Variants in ALDH3A2 observed in about 807,000 individuals in gnomAD.
The protein encoded by ALDH3A2 is aldehyde dehydrogenase 3 family member A2.
A neutral mutation model predicts 51.3 loss-of-function variants in ALDH3A2; 36 were observed. The observed-to-expected ratio is 0.70, with a 90% confidence interval of 0.54 to 0.93. The LOEUF is 0.93. Ranked by LOEUF, ALDH3A2 falls within the 40% of genes least tolerant of loss-of-function variation. The pLI, the probability that ALDH3A2 is intolerant of heterozygous loss-of-function variation, is 0.00. For missense variants in ALDH3A2, 552 were observed against 603.1 expected (o/e 0.92, Z 0.89); for synonymous variants, 199 against 219.8 (o/e 0.91, Z 0.84).
rs1244436675 is a variant in ALDH3A2, at chr17:19,675,639, CAAT to C, written c.*71_*73del. The C allele has an allele frequency of 6.6e-7, 1 of 1,505,708 alleles. No individual in the cohort carries two copies. Among genetic ancestry groups the C allele is most frequent in the East Asian group, 2.3e-5 (1 of 44,210 alleles). 93.3% of individuals were successfully genotyped at this position (1,505,708 alleles called of 1,614,324 possible). A position where few individuals can be genotyped will look rare whatever the true frequency, so the allele number is the denominator to read the frequency against. On this transcript the variant is annotated 3_prime_UTR_variant, in exon 10 of 10. Transcript: ENST00000176643. ...TTCCTCTTTTAAATGGTTAATGAAC[CAAT>C]AATTTTTAAATCATACCAAAAATAG...
At chr17:19,666,363 G>A (rs898586039) in intron 8 of ALDH3A2, among the ~76,000 whole-genome samples, 1 of 152,116 alleles carries the variant, frequency 6.6e-6, no homozygotes, top group Non-Finnish European at 1.5e-5. Flanking sequence ...TAATCAACTC[G>A]GTAATTGTTC....
At chr17:19,672,366 T>C (rs1204343790) in intron 9 of ALDH3A2, 2 of 217,908 alleles carry the variant, frequency 9.2e-6, no homozygotes, top group African/African-American at 4.6e-5. Flanking sequence ...ACAGCTTTGT[T>C]CTTGAATGTG....
chr17:19,662,528 G>C (rs1219513338), intron 6 of ALDH3A2, among the ~76,000 whole-genome samples: 1 of 152,160 alleles, frequency 6.6e-6, no homozygotes, highest in African/African-American at 2.4e-5. Flanking sequence ...CTGCTAGTTG[G>C]TGACTTACAT....
At position 19,654,803 on chromosome 17, in the gene ALDH3A2, G is replaced by A. The variant is rs147028254; in HGVS notation, c.472-1563G>A. Among the ~76,000 whole-genome samples the A allele has an allele frequency of 3.7e-4, 57 of 152,262 alleles. No individual in the cohort carries two copies. In the East Asian group the frequency reaches 8.0e-3, roughly 21 times the overall value. ...GGCTGAAGGGCTCCTCAAGCGTGGC[G>A]AGAGTGGGTGCCAAGGCCAAGGAGG... is the stretch of plus-strand genomic sequence containing the variant. On this transcript the variant is annotated intron_variant, in intron 3 of 9. Transcript: ENST00000176643. This position sits in a 1 kb window ranked among gnomAD's most constrained non-coding sequence, Gnocchi z 4.5.
intron 8 of ALDH3A2, among the ~76,000 whole-genome samples, chr17:19,670,974 T>A (rs1178874204): frequency 1.3e-5 from 2 of 152,200 alleles, no homozygotes; most frequent in Non-Finnish European, 2.9e-5. Context: ...AGCCTGGCCT[T>A]GGTAAACTGC....
intron 2 of ALDH3A2, 62 bp downstream of exon 2, chr17:19,651,840 G>A (rs1439472338): frequency 1.4e-6 from 2 of 1,438,390 alleles, no homozygotes; most frequent in Non-Finnish European, 2.0e-6. Flanking sequence ...ATATTAATTG[G>A]AAATTAAGGA....
chr17:19,671,262 A>G (rs1597572516), intron 8 of ALDH3A2, among the ~76,000 whole-genome samples: 2 of 152,338 alleles, frequency 1.3e-5, no homozygotes, highest in East Asian at 3.9e-4. Context: ...GATGGTGGGA[A>G]GAGAGCACAT....
chr17:19,657,841 G>C lies in ALDH3A2; in HGVS notation c.777G>C (p.Trp259Cys). Residue 259 changes from tryptophan (W) to cysteine (C), a missense_variant, in exon 5 of 10, where the codon TGG (tryptophan) becomes TGC (cysteine). Physicochemically the swap from Trp to Cys is radical, Grantham distance 215. Transcript: ENST00000176643. Reference protein sequence around the residue: ...CEASLQNQIVWKIKETVKEFY... With the variant: ...CEASLQNQIVCKIKETVKEFY... ...CATCCCTCCAAAATCAAATTGTATGGAAGATTAAGGAAACAGTGAAGGTTT... is the reference window on the plus strand; with the variant it reads ...CATCCCTCCAAAATCAAATTGTATGCAAGATTAAGGAAACAGTGAAGGTTT... 1 of 1,607,998 alleles carries C rather than the reference G, an allele frequency of 6.2e-7. No homozygotes were observed. The highest frequency in any genetic ancestry group is 8.5e-7 in the Non-Finnish European group (1 of 1,174,464).
At position 19,654,001 on chromosome 17, in the gene ALDH3A2, C is replaced by A. The variant is rs1485509952; in HGVS notation, c.471+1369C>A. Among the ~76,000 whole-genome samples, 1 of 152,138 alleles carries A rather than the reference C, an allele frequency of 6.6e-6. No homozygotes were observed. The highest frequency in any genetic ancestry group is 1.5e-5 in the Non-Finnish European group (1 of 68,036). ...AAGTCCCCACTAGATTAGCTAGACA[C>A]AGAGCACTGATTGGTGCATTTACAA... On this transcript the variant is annotated intron_variant, in intron 3 of 9. Coordinates refer to ENST00000176643, the MANE Select transcript of ALDH3A2 (RefSeq NM_000382.3). The surrounding 1 kb of genome is among the most constrained non-coding windows in gnomAD (Gnocchi z 4.5).
chr17:19,655,080 T>C (rs903575104), intron 3 of ALDH3A2, among the ~76,000 whole-genome samples: 25 of 152,240 alleles, frequency 1.6e-4, no homozygotes, highest in Non-Finnish European at 3.4e-4. Flanking sequence ...GAGGTTCTTA[T>C]GCCTTCCTGG....
intron 8 of ALDH3A2, 95 bp downstream of exon 8, chr17:19,665,142 C>A (rs990428494): frequency 5.3e-6 from 6 of 1,129,294 alleles, no homozygotes; most frequent in South Asian, 1.2e-5. Flanking sequence ...CCAGCTGTTG[C>A]GTACCCTGAT....
intron 9 of ALDH3A2, chr17:19,673,132 A>G: frequency 6.2e-7 from 1 of 1,614,146 alleles, no homozygotes. Flanking sequence ...TGCATTTGAA[A>G]TCATTTGGGT....
At chr17:19,650,311 TC>T (rs1291140795) in intron 1 of ALDH3A2, among the ~76,000 whole-genome samples, 1 of 151,780 alleles carries the variant, frequency 6.6e-6, no homozygotes, top group African/African-American at 2.4e-5. Flanking sequence ...GGACAGGGTC[TC>T]CCTTTGTTAC....
chr17:19,668,238 T>C (rs1387731305), intron 8 of ALDH3A2, among the ~76,000 whole-genome samples: 17 of 152,126 alleles, frequency 1.1e-4, no homozygotes, highest in Admixed American at 1.1e-3. Context: ...TTTAATTTTA[T>C]CTATGATTTG....
At chr17:19,652,729 C>A in intron 3 of ALDH3A2, 97 bp downstream of exon 3, 1 of 1,019,410 alleles carries the variant, frequency 9.8e-7, no homozygotes, top group Non-Finnish European at 1.6e-6. Flanking sequence ...GCCGGGGACC[C>A]AATTGCAGTC....
rs537385097 is a variant in ALDH3A2, at chr17:19,660,137, A to G, written c.799-990A>G. Reference sequence around the variant, plus strand: ...TGGTGATGAATTCAATTTCAAAGGAATAAGGGCCTCTGCCTCCCTTTGAGG... The same window carrying G: ...TGGTGATGAATTCAATTTCAAAGGAGTAAGGGCCTCTGCCTCCCTTTGAGG... On this transcript the variant is annotated intron_variant, in intron 5 of 9. Transcript: ENST00000176643. Among the ~76,000 whole-genome samples the G allele has an allele frequency of 6.6e-5, 10 of 152,252 alleles. No individual in the cohort carries two copies. The South Asian group carries it at 2.1e-3, about 32-fold the overall frequency.
intron 5 of ALDH3A2, 102 bp from the exon 6 acceptor site, chr17:19,661,025 A>G: frequency 8.7e-7 from 1 of 1,143,662 alleles, no homozygotes; most frequent in Non-Finnish European, 1.3e-6. Context: ...TTCTGTGAGG[A>G]TATAAAACCA....
chr17:19,648,756 T>TC lies in ALDH3A2; in HGVS notation c.-211dup, dbSNP rs1209600031. Reference sequence around the variant, plus strand: ...TGAGGCTTTGGGTCGAGCTCAGTCCTCCCCCGGCGCCTCCGACTGGCAGTG... The same window carrying TC: ...TGAGGCTTTGGGTCGAGCTCAGTCCTCCCCCCGGCGCCTCCGACTGGCAGTG... On this transcript the variant is annotated 5_prime_UTR_variant, in exon 1 of 10. Coordinates refer to ENST00000176643, the MANE Select transcript of ALDH3A2 (RefSeq NM_000382.3). 3.1e-6 allele frequency: 2 copies of TC among 638,440 alleles called. No homozygotes were observed. The highest frequency in any genetic ancestry group is 5.6e-5 in the East Asian group (2 of 35,762). 39.5% of individuals were successfully genotyped at this position (638,440 alleles called of 1,614,324 possible).
At chr17:19,675,075 C>T (rs1487012436) in intron 9 of ALDH3A2, 2 of 157,520 alleles carry the variant, frequency 1.3e-5, no homozygotes, top group African/African-American at 2.4e-5. Flanking sequence ...TTTCATTAGG[C>T]CTTTGACAAC....
Sources: allele counts gnomAD v4.1 joint callset (sites outside exome capture counted in the v4.1 genomes callset), GRCh38; gene constraint gnomAD v4.1.1; non-coding constraint Gnocchi (gnomAD v3.1); transcripts MANE v1.5; gene names NCBI Gene and HGNC (gene_info 2026-07-23, HGNC 2026-07-21).